Variants in PALM observed in about 807,000 individuals in gnomAD.
The protein encoded by PALM is paralemmin.
In PALM, 18 loss-of-function variants were observed where a neutral mutation model predicts 30.7. The observed-to-expected ratio is 0.59, with a 90% confidence interval of 0.41 to 0.87. The LOEUF is 0.87. Ranked by LOEUF, PALM falls within the 40% of genes least tolerant of loss-of-function variation. The pLI is 0.00. For synonymous variants in PALM, 286 were observed against 242.8 expected (o/e 1.18, Z -1.66); for missense variants, 529 against 555.4 (o/e 0.95, Z 0.48).
chr19:739,560 G>A (rs1056193216), intron 7 of PALM, among the ~76,000 whole-genome samples: 1 of 151,898 alleles, frequency 6.6e-6, no homozygotes, highest in Non-Finnish European at 1.5e-5. Context: ...GCACACCTGT[G>A]GTCCCAGCTA....
chr19:741,381 T>C (rs566031749), intron 8 of PALM, among the ~76,000 whole-genome samples: 61 of 123,178 alleles, frequency 5.0e-4, no homozygotes, highest in Non-Finnish European at 8.4e-4. Context: ...TGAGGGGAGT[T>C]GGGCTGCAGG....
intron 2 of PALM, 81 bp downstream of exon 2, chr19:726,270 C>G (rs139668557): frequency 1.1e-5 from 13 of 1,167,530 alleles, no homozygotes; most frequent in Admixed American, 5.4e-5. Flanking sequence ...TGGACCTGTC[C>G]TAGGACCTGG....
intron 8 of PALM, among the ~76,000 whole-genome samples, chr19:745,686 G>GA (rs5826707): frequency 0.76 from 104,484 of 137,308 alleles, 39,429 homozygotes; most frequent in Middle Eastern, 0.84. Flanking sequence ...CTCCATCTCA[G>GA]AAAAAAAAAA....
intron 1 of PALM, among the ~76,000 whole-genome samples, chr19:720,220 G>A (rs1019998717): frequency 1.3e-5 from 2 of 151,940 alleles, no homozygotes; most frequent in Admixed American, 6.6e-5. Context: ...CCCGCGCGCC[G>A]GGCCTCGGCG....
rs1568220470 is a variant in PALM, at chr19:719,358, G to A, written c.6-6780G>A. On this transcript the variant is annotated intron_variant, in intron 1 of 8. Transcript: ENST00000338448. ...GGGCCTCATGAACTCATCTCCTGGA[G>A]CAGGACTATCTCACGCGCTCCAGAC... 6 of 985,570 alleles carry A rather than the reference G, an allele frequency of 6.1e-6. No individual in the cohort carries two copies. The South Asian group carries it at 2.8e-4, about 46-fold the overall frequency. 61.1% of individuals were successfully genotyped at this position (985,570 alleles called of 1,614,324 possible).
rs764732188 is a variant in PALM, at chr19:721,556, G to A, written c.6-4582G>A. ...GCTAGGATTACAGGCATGAGCCACC[G>A]TGCCTGGCCTTCTTTTTTTAATTTT... On this transcript the variant is annotated intron_variant, in intron 1 of 8. Coordinates refer to ENST00000338448, the MANE Select transcript of PALM (RefSeq NM_002579.3). Among the ~76,000 whole-genome samples, 73 of 151,800 alleles carry A rather than the reference G, an allele frequency of 4.8e-4. 3 individuals carry two copies. Among genetic ancestry groups the A allele is most frequent in the Admixed American group, 4.3e-3 (66 of 15,238 alleles).
At chr19:717,177 C>G (rs752143447) in intron 1 of PALM, among the ~76,000 whole-genome samples, 4 of 152,206 alleles carry the variant, frequency 2.6e-5, no homozygotes, top group Non-Finnish European at 5.9e-5. Flanking sequence ...ATCCACCTGC[C>G]TTGGCCTCCC....
At position 742,714 on chromosome 19, in the gene PALM, C is replaced by T. The variant is rs1228400971; in HGVS notation, c.634+2231C>T. Among the ~76,000 whole-genome samples, 1 of 152,136 alleles carries T rather than the reference C, an allele frequency of 6.6e-6. No individual in the cohort carries two copies. ...GTGACGTCCCCAAGGTGCATCGGCA[C>T]TGTGGCCTGGGTCGGAGCCTGACTC... On this transcript the variant is annotated intron_variant, in intron 8 of 8. Coordinates refer to ENST00000338448, the MANE Select transcript of PALM (RefSeq NM_002579.3). The surrounding 1 kb of genome is among the most constrained non-coding windows in gnomAD (Gnocchi z 5.5).
intron 7 of PALM, among the ~76,000 whole-genome samples, chr19:737,249 C>A (rs1260032903): frequency 6.6e-6 from 1 of 152,172 alleles, no homozygotes; most frequent in Non-Finnish European, 1.5e-5. Flanking sequence ...GCCAGTGAGA[C>A]CAGCCCTGGC....
At chr19:731,502 A>G (rs1025017684) in intron 5 of PALM, among the ~76,000 whole-genome samples, 4 of 141,488 alleles carry the variant, frequency 2.8e-5, no homozygotes, top group African/African-American at 5.2e-5. Flanking sequence ...CATCAGAAGG[A>G]CTCAGGGAAG....
intron 2 of PALM, 23 bp from the exon 3 acceptor site, chr19:726,985 A>AACCCCC: frequency 5.3e-6 from 5 of 945,360 alleles, no homozygotes; most frequent in Non-Finnish European, 4.9e-6. Context: ...CCCATCCCTG[A>AACCCCC]CCCCACCCGG....
chr19:715,198 G>A (rs2032218618), intron 1 of PALM, among the ~76,000 whole-genome samples: 1 of 152,122 alleles, frequency 6.6e-6, no homozygotes, highest in Non-Finnish European at 1.5e-5. Flanking sequence ...AACCTGGGAG[G>A]CGGAGCTTTC....
At chr19:728,635 C>A (rs2032770355) in intron 4 of PALM, among the ~76,000 whole-genome samples, 1 of 152,022 alleles carries the variant, frequency 6.6e-6, no homozygotes, top group Non-Finnish European at 1.5e-5. Context: ...TCGTGAAACC[C>A]CATCTTTACT....
chr19:736,888 T>C lies in PALM; in HGVS notation c.502+810T>C, dbSNP rs149349449. Among the ~76,000 whole-genome samples the C allele has an allele frequency of 8.5e-5, 13 of 152,232 alleles. No homozygotes were observed. The East Asian group carries it at 2.1e-3, about 25-fold the overall frequency. On this transcript the variant is annotated intron_variant, in intron 7 of 8. Coordinates refer to ENST00000338448, the MANE Select transcript of PALM (RefSeq NM_002579.3). ...GGCCAACATGGCGAAACCCCATCTC[T>C]ACTAAAATACAAAAATTAGCCGGGC...
chr19:746,598 G>C lies in PALM; in HGVS notation c.948G>C (p.Lys316Asn), dbSNP rs1381096408. 1.2e-6 allele frequency: 2 copies of C among 1,613,320 alleles called. No individual in the cohort carries two copies. The highest frequency in any genetic ancestry group is 2.2e-5 in the East Asian group (1 of 44,850). ...TGGAGGATGAGGCCGAGACCAAGAA[G>C]GTGCTGGGCCTTCAAGATACCATCA... ...QNVEDEAETK[K>N]VLGLQDTITA... The change falls in exon 9 of 9, where the codon AAG (lysine) becomes AAC (asparagine). Residue 316 changes from lysine (K) to asparagine (N), a missense_variant. Lys to Asn is a moderately conservative substitution (Grantham distance 94). Coordinates refer to ENST00000338448, the MANE Select transcript of PALM (RefSeq NM_002579.3). This position sits in a 1 kb window ranked among gnomAD's most constrained non-coding sequence, Gnocchi z 7.1.
chr19:716,311 G>A (rs191997899), intron 1 of PALM, among the ~76,000 whole-genome samples: 59 of 152,300 alleles, frequency 3.9e-4, no homozygotes, highest in Non-Finnish European at 6.8e-4. Context: ...TACTCGGGAG[G>A]CTGAGGCAGG....
chr19:745,510 A>G (rs2033312680), intron 8 of PALM, among the ~76,000 whole-genome samples: 1 of 151,802 alleles, frequency 6.6e-6, no homozygotes. Context: ...CCTGGCCAAC[A>G]TAGTGAAACC....
intron 1 of PALM, chr19:719,317 G>T: frequency 1.0e-6 from 1 of 985,448 alleles, no homozygotes; most frequent in Non-Finnish European, 1.2e-6. Context: ...GCCTCTGCGG[G>T]GCTCCCGTCG....
At chr19:730,039 A>G (rs571696670) in intron 4 of PALM, among the ~76,000 whole-genome samples, 1 of 152,140 alleles carries the variant, frequency 6.6e-6, no homozygotes, top group Non-Finnish European at 1.5e-5. Flanking sequence ...CTTCAGCTTC[A>G]CCCCTCCCCA....
Sources: gnomAD v4.1 joint callset for allele counts (sites outside exome capture counted in the v4.1 genomes callset) on GRCh38, gnomAD v4.1.1 for gene constraint, Gnocchi (gnomAD v3.1) non-coding constraint, MANE v1.5 for transcripts, NCBI Gene and HGNC (gene_info 2026-07-23, HGNC 2026-07-21) for gene names.